Variants in CAMK4 observed in about 807,000 individuals in gnomAD.
CAMK4 encodes the protein calcium/calmodulin dependent protein kinase IV.
Under a neutral mutation model 44.9 loss-of-function variants are expected in CAMK4, and 22 were observed. The ratio of observed to expected loss-of-function variants is 0.49; its 90% CI spans 0.35 to 0.70. CAMK4 has a LOEUF of 0.70. CAMK4 is among the 30% of genes least tolerant of loss of function. The pLI, the probability that CAMK4 is intolerant of heterozygous loss-of-function variation, is 0.01. For synonymous variants in CAMK4, 218 were observed against 215.4 expected (o/e 1.01, Z -0.11); for missense variants, 498 against 586.8 (o/e 0.85, Z 1.56).
intron 7 of CAMK4, among the ~76,000 whole-genome samples, chr5:111,458,123 A>G (rs1754484598): frequency 6.6e-6 from 1 of 152,196 alleles, no homozygotes; most frequent in African/African-American, 2.4e-5. Flanking sequence ...TCCTGACCAT[A>G]GCCCTACTTT....
chr5:111,274,675 G>T (rs1183237741), intron 1 of CAMK4, among the ~76,000 whole-genome samples: 1 of 152,110 alleles, frequency 6.6e-6, no homozygotes, highest in African/African-American at 2.4e-5. Flanking sequence ...CCTTCAAAGA[G>T]GTTATACCAA....
At chr5:111,431,239 T>C (rs1406240907) in intron 5 of CAMK4, among the ~76,000 whole-genome samples, 1 of 152,012 alleles carries the variant, frequency 6.6e-6, no homozygotes, top group Non-Finnish European at 1.5e-5. Flanking sequence ...CTGACAAAGG[T>C]GCCAAGAACA....
chr5:111,249,678 G>A (rs1292532079), intron 1 of CAMK4, among the ~76,000 whole-genome samples: 206 of 144,394 alleles, frequency 1.4e-3, no homozygotes, highest in East Asian at 4.1e-3. Flanking sequence ...GTGTGTGTGT[G>A]TGTGTGTGTG....
chr5:111,273,685 A>ATATATATATATATATATT (rs1750618206), intron 1 of CAMK4, among the ~76,000 whole-genome samples: 2 of 45,472 alleles, frequency 4.4e-5, no homozygotes, highest in Non-Finnish European at 7.2e-5. Context: ...ATTTATATAT[A>ATATATATATATATATATT]TATATATATA....
rs1755463977 is a variant in CAMK4 at position 111,482,394 on chromosome 5, GA to G, written c.829-390del. 6.4e-6 allele frequency: 1 copy of G among 156,746 alleles called. No individual in the cohort carries two copies. Among genetic ancestry groups the G allele is most frequent in the Non-Finnish European group, 1.4e-5 (1 of 71,262 alleles). The allele number at this position is 156,746 out of a possible 1,614,324, so 9.7% of individuals were successfully genotyped here. A position where few individuals can be genotyped will look rare whatever the true frequency, so the allele number is the denominator to read the frequency against. ...ACAGAAAGAATGATGATGCATGAAT[GA>G]TTCCATTCTGTTACCATAGAGATGT... On this transcript the variant is annotated intron_variant, in intron 9 of 10. Transcript: ENST00000282356. The surrounding 1 kb of genome is among the most constrained non-coding windows in gnomAD (Gnocchi z 4.9).
intron 4 of CAMK4, among the ~76,000 whole-genome samples, chr5:111,379,122 G>T (rs1435884380): frequency 6.6e-6 from 1 of 152,062 alleles, no homozygotes; most frequent in Non-Finnish European, 1.5e-5. Flanking sequence ...GCTAATTATG[G>T]TCTATCAGTG....
chr5:111,420,793 G>C (rs1752998091), intron 5 of CAMK4, among the ~76,000 whole-genome samples: 1 of 152,206 alleles, frequency 6.6e-6, no homozygotes, highest in South Asian at 2.1e-4. Context: ...CAGCTCACCG[G>C]CGGTCAGAGT....
At position 111,482,948 on chromosome 5, in the gene CAMK4, A is replaced by G; in HGVS notation, c.981+11A>G. ...CGGCGTAAGCTTAAGGTAAGATAGCATATATTTTGTTTTGTTTTGTTTTGT... is the reference window on the plus strand; with the variant it reads ...CGGCGTAAGCTTAAGGTAAGATAGCGTATATTTTGTTTTGTTTTGTTTTGT... On this transcript the variant is annotated intron_variant, in intron 10 of 10. Transcript: ENST00000282356. This position sits in a 1 kb window ranked among gnomAD's most constrained non-coding sequence, Gnocchi z 4.9. 6.3e-7 allele frequency: 1 copy of G among 1,585,084 alleles called. No homozygotes were observed. The highest frequency in any genetic ancestry group is 1.7e-4 in the Middle Eastern group (1 of 5,922).
chr5:111,303,826 T>C (rs1209076799), intron 1 of CAMK4, among the ~76,000 whole-genome samples: 2 of 139,490 alleles, frequency 1.4e-5, no homozygotes, highest in Non-Finnish European at 3.0e-5. Context: ...AAGGAAAAAA[T>C]GTTAAGGGCA....
At chr5:111,327,018 A>C (rs917601080) in intron 1 of CAMK4, among the ~76,000 whole-genome samples, 1 of 151,158 alleles carries the variant, frequency 6.6e-6, no homozygotes, top group Non-Finnish European at 1.5e-5. Context: ...AAATTTTATT[A>C]TTATTATACT....
intron 1 of CAMK4, among the ~76,000 whole-genome samples, chr5:111,251,655 T>C (rs1431365069): frequency 2.0e-5 from 3 of 152,230 alleles, no homozygotes; most frequent in Admixed American, 2.0e-4. Context: ...TCTATGCTTT[T>C]CCTTTGCTTC....
chr5:111,324,848 T>C lies in CAMK4; in HGVS notation c.162-19176T>C, dbSNP rs1158695840. Reference sequence around the variant, plus strand: ...TTTATAGTATGTATTTTTTTTCTTATTTTACTTTAAGTTCTGGGATTCATG... The same window carrying C: ...TTTATAGTATGTATTTTTTTTCTTACTTTACTTTAAGTTCTGGGATTCATG... On this transcript the variant is annotated intron_variant, in intron 1 of 10. Coordinates refer to ENST00000282356, the MANE Select transcript of CAMK4 (RefSeq NM_001744.6). Among the ~76,000 whole-genome samples the C allele has an allele frequency of 3.9e-5, 6 of 152,186 alleles. No homozygotes were observed. In the East Asian group the frequency reaches 9.7e-4, roughly 25 times the overall value.
intron 1 of CAMK4, among the ~76,000 whole-genome samples, chr5:111,280,070 A>G (rs1021738304): frequency 6.6e-6 from 1 of 152,186 alleles, no homozygotes; most frequent in Non-Finnish European, 1.5e-5. Flanking sequence ...TTTGTAAGTA[A>G]AAACATTGGA....
At chr5:111,235,527 A>G (rs1018185258) in intron 1 of CAMK4, among the ~76,000 whole-genome samples, 1 of 152,182 alleles carries the variant, frequency 6.6e-6, no homozygotes, top group African/African-American at 2.4e-5. Flanking sequence ...AACAATGTTC[A>G]ATGAGGTAAA....
intron 1 of CAMK4, among the ~76,000 whole-genome samples, chr5:111,292,203 G>A (rs1747294231): frequency 6.6e-6 from 1 of 152,134 alleles, no homozygotes; most frequent in South Asian, 2.1e-4. Flanking sequence ...TTATCTCCAT[G>A]ATATCACCCT....
intron 5 of CAMK4, among the ~76,000 whole-genome samples, chr5:111,440,821 T>C (rs1753796503): frequency 1.3e-5 from 2 of 152,172 alleles, no homozygotes; most frequent in African/African-American, 4.8e-5. Flanking sequence ...TTTGAAACTT[T>C]AGAAAAGAGC....
intron 10 of CAMK4, 122 bp from the exon 11 acceptor site, chr5:111,483,904 G>T: frequency 1.6e-6 from 1 of 633,850 alleles, no homozygotes. Flanking sequence ...TAGGAATAAG[G>T]TACTTTGAAA....
chr5:111,230,998 G>A (rs973370743), intron 1 of CAMK4, among the ~76,000 whole-genome samples: 4 of 152,102 alleles, frequency 2.6e-5, no homozygotes, highest in African/African-American at 9.7e-5. Context: ...ATAGCAGCTA[G>A]AGTCAAGGTT....
rs553412278 is a variant in CAMK4, at chr5:111,410,923, T to C, written c.459+16141T>C. On this transcript the variant is annotated intron_variant, in intron 5 of 10. Coordinates refer to ENST00000282356, the MANE Select transcript of CAMK4 (RefSeq NM_001744.6). ...CACTTCCTAGGTGTTGGTAGAATCATGTAAAATGGTGGTGTTGAAATTTCC... is the reference window on the plus strand; with the variant it reads ...CACTTCCTAGGTGTTGGTAGAATCACGTAAAATGGTGGTGTTGAAATTTCC... Among the ~76,000 whole-genome samples the C allele has an allele frequency of 3.9e-5, 6 of 152,296 alleles. No homozygotes were observed. The South Asian group carries it at 1.2e-3, about 32-fold the overall frequency.
Sources: gnomAD v4.1 joint callset for allele counts (sites outside exome capture counted in the v4.1 genomes callset) on GRCh38, gnomAD v4.1.1 for gene constraint, Gnocchi (gnomAD v3.1) non-coding constraint, MANE v1.5 for transcripts, NCBI Gene and HGNC (gene_info 2026-07-23, HGNC 2026-07-21) for gene names.